Variants in MCM5 observed in about 807,000 individuals in gnomAD.
MCM5 encodes the protein minichromosome maintenance complex component 5, also known as DNA replication licensing factor MCM5.
Under a neutral mutation model 79.9 loss-of-function variants are expected in MCM5, and 46 were observed. That is an observed-to-expected ratio of 0.58 (90% CI 0.45 to 0.74). The LOEUF is 0.74. Ranked by LOEUF, MCM5 falls within the 30% of genes least tolerant of loss-of-function variation. MCM5 has a pLI of 0.00. For synonymous variants in MCM5, 404 were observed against 390.5 expected (o/e 1.03, Z -0.41); for missense variants, 883 against 1,017.0 (o/e 0.87, Z 1.79).
chr22:35,412,133 T>A (rs1361224691), intron 7 of MCM5, among the ~76,000 whole-genome samples: 4 of 152,202 alleles, frequency 2.6e-5, no homozygotes, highest in African/African-American at 9.7e-5. Flanking sequence ...CTCCCCAGTG[T>A]TCGTCTCCAC....
At chr22:35,440,460 C>G in the MCM5 span, among the ~76,000 whole-genome samples, 1 of 152,180 alleles carries the variant, frequency 6.6e-6, no homozygotes, top group African/African-American at 2.4e-5. Context: ...CCTGAACTGC[C>G]TGGAATATCT....
intron 5 of MCM5, 71 bp downstream of exon 5, chr22:35,406,796 C>T: frequency 1.3e-6 from 2 of 1,495,890 alleles, no homozygotes; most frequent in South Asian, 1.2e-5. Flanking sequence ...GAACAAGTAG[C>T]AAGCACTGCC....
In MCM5 at chr22:35,408,471, A is replaced by G; in HGVS notation, c.660A>G (p.Lys220=). ...ACTTCATCATGCCCGACAAATGCAA[A>G]TGCGTGGACTTCCAGACCCTGAAGC... ...DPYFIMPDKC[K]CVDFQTLKLQ... The change falls in exon 6 of 17, where the codon AAA becomes AAG. Residue 220 remains lysine (K), a synonymous_variant. Transcript: ENST00000216122. 6.2e-7 allele frequency: 1 copy of G among 1,614,240 alleles called. No homozygotes were observed. The highest frequency in any genetic ancestry group is 1.1e-5 in the South Asian group (1 of 91,090).
intron 15 of MCM5, 159 bp from the exon 16 acceptor site, chr22:35,423,055 C>A: frequency 3.2e-6 from 2 of 625,968 alleles, no homozygotes; most frequent in South Asian, 2.7e-5. Flanking sequence ...ATCCTGTCTC[C>A]TCAATCAGGC....
chr22:35,421,686 CA>C (rs1249612794), intron 15 of MCM5: 6 of 617,102 alleles, frequency 9.7e-6, no homozygotes, highest in Non-Finnish European at 1.8e-5. Flanking sequence ...CCCTTGAACA[CA>C]ATCCTCTTGA....
chr22:35,415,375 CAGTT>C (rs1470198279), intron 9 of MCM5, among the ~76,000 whole-genome samples: 6 of 152,308 alleles, frequency 3.9e-5, no homozygotes, highest in Admixed American at 1.3e-4. Context: ...AAGGACATCT[CAGTT>C]AGGACTTTCC....
At chr22:35,417,889 G>T in intron 13 of MCM5, 33 bp downstream of exon 13, 1 of 1,526,058 alleles carries the variant, frequency 6.6e-7, no homozygotes, top group Non-Finnish European at 9.1e-7. Context: ...CGGGGGTGAG[G>T]TTGCCCAGCT....
chr22:35,425,727 C>T (rs1407212303), downstream of MCM5, among the ~76,000 whole-genome samples: 2 of 151,838 alleles, frequency 1.3e-5, no homozygotes, highest in African/African-American at 4.8e-5. Context: ...GGTGGGGACT[C>T]GCGTGCATCT....
At chr22:35,433,109 A>G in the MCM5 span, among the ~76,000 whole-genome samples, 6 of 151,396 alleles carry the variant, frequency 4.0e-5, no homozygotes, top group Non-Finnish European at 8.8e-5. Context: ...TTATTTCTTA[A>G]TTTTCTTGTA....
the MCM5 span, among the ~76,000 whole-genome samples, chr22:35,441,925 C>T: frequency 5.3e-4 from 80 of 152,208 alleles, no homozygotes; most frequent in Non-Finnish European, 9.4e-4. Flanking sequence ...CCTCTTGATC[C>T]GGTTCAGAGG....
the MCM5 span, among the ~76,000 whole-genome samples, chr22:35,441,823 A>G: frequency 2.0e-5 from 3 of 152,124 alleles, no homozygotes; most frequent in East Asian, 3.9e-4. Context: ...CAAAAGGCCT[A>G]GAGGTGGAAT....
the MCM5 span, among the ~76,000 whole-genome samples, chr22:35,440,458 G>A: frequency 6.6e-6 from 1 of 152,212 alleles, no homozygotes; most frequent in Non-Finnish European, 1.5e-5. Context: ...CCCCTGAACT[G>A]CCTGGAATAT....
At chr22:35,446,491 G>A in the MCM5 span, among the ~76,000 whole-genome samples, 36 of 152,110 alleles carry the variant, frequency 2.4e-4, no homozygotes, top group Non-Finnish European at 3.8e-4. Flanking sequence ...GAGCTGCTGC[G>A]CACCCTGGAA....
Position 35,408,444 on chromosome 22 carries a change from G to T in MCM5, c.633G>T (p.Pro211=). 2 of 1,614,182 alleles carry T rather than the reference G, an allele frequency of 1.2e-6. No homozygotes were observed. The highest frequency in any genetic ancestry group is 1.7e-6 in the Non-Finnish European group (2 of 1,180,008). Residue 211 remains proline, a synonymous_variant, in exon 6 of 17, where the codon CCG becomes CCT. Coordinates refer to ENST00000216122, the MANE Select transcript of MCM5 (RefSeq NM_006739.4). ...GGCGCCCCAAATGCCCATTGGACCCGTACTTCATCATGCCCGACAAATGCA... is the reference window on the plus strand; with the variant it reads ...GGCGCCCCAAATGCCCATTGGACCCTTACTTCATCATGCCCGACAAATGCA... The part of the protein sequence containing the change: ...QAGRPKCPLD[P]YFIMPDKCKC...
the MCM5 span, among the ~76,000 whole-genome samples, chr22:35,441,797 A>G: frequency 6.6e-6 from 1 of 152,082 alleles, no homozygotes; most frequent in African/African-American, 2.4e-5. Flanking sequence ...GTCCCAGGCC[A>G]GGGAAGGAAA....
intron 4 of MCM5, 134 bp from the exon 5 acceptor site, chr22:35,406,419 A>T: frequency 1.3e-6 from 1 of 751,870 alleles, no homozygotes; most frequent in Non-Finnish European, 2.1e-6. Flanking sequence ...TTTTGAGCGG[A>T]ACAGAAGAGC....
chr22:35,431,750 C>T, the MCM5 span, among the ~76,000 whole-genome samples: 1 of 152,150 alleles, frequency 6.6e-6, no homozygotes, highest in Non-Finnish European at 1.5e-5. Context: ...CCTGGAACCC[C>T]CCAGCTTCAG....
At chr22:35,438,255 C>CATTCATCATT in the MCM5 span, among the ~76,000 whole-genome samples, 1 of 10,012 alleles carries the variant, frequency 1.0e-4, no homozygotes, top group Admixed American at 7.1e-4. Flanking sequence ...ATTCATCCAC[C>CATTCATCATT]CACCCACCCA....
the MCM5 span, among the ~76,000 whole-genome samples, chr22:35,445,098 G>C: frequency 6.6e-6 from 1 of 152,018 alleles, no homozygotes; most frequent in Non-Finnish European, 1.5e-5. Flanking sequence ...ATAGACTGTG[G>C]GGTCACACCA....
Sources: allele counts gnomAD v4.1 joint callset (sites outside exome capture counted in the v4.1 genomes callset), GRCh38; gene constraint gnomAD v4.1.1; transcripts MANE v1.5; gene names NCBI Gene and HGNC (gene_info 2026-07-23, HGNC 2026-07-21).